The following RABGEF1 variants were observed in gnomAD, a reference collection of about 807,000 sequenced individuals.
RABGEF1 encodes rab5 GDP/GTP exchange factor.
In RABGEF1, 26 loss-of-function variants were observed where a neutral mutation model predicts 57.3. The ratio of observed to expected loss-of-function variants is 0.45; its 90% confidence interval spans 0.33 to 0.63. RABGEF1 has a LOEUF of 0.63. Among genes scored for constraint, RABGEF1 ranks in the 20% least tolerant of loss-of-function variants. The probability of loss-of-function intolerance (pLI) is 0.02; values close to 1 mark genes in which losing one functional copy is unlikely to be tolerated. For synonymous variants in RABGEF1, 185 were observed against 210.7 expected, an observed-to-expected ratio of 0.88 and a Z score of 1.06; for missense variants, 464 against 607.6, an observed-to-expected ratio of 0.76 and a Z score of 2.48.
chr7:66,769,731 T>C (rs541040511), intron 1 of RABGEF1, among the ~76,000 whole-genome samples: 1 of 152,372 alleles, frequency 6.6e-6, no homozygotes, highest in East Asian at 1.9e-4. Context: ...AGAGATCTTA[T>C]CATGCTTTCC....
chr7:66,749,299 A>G (rs1800891232), intron 1 of RABGEF1, among the ~76,000 whole-genome samples: 1 of 152,208 alleles, frequency 6.6e-6, no homozygotes, highest in African/African-American at 2.4e-5. Context: ...GTTAATGGAG[A>G]GAGACCATCC....
chr7:66,691,588 A>G (rs1291345720), intron 1 of RABGEF1, among the ~76,000 whole-genome samples: 1 of 152,216 alleles, frequency 6.6e-6, no homozygotes, highest in Non-Finnish European at 1.5e-5. Context: ...AGCAATATGC[A>G]TTCAGTAGAA....
intron 1 of RABGEF1, among the ~76,000 whole-genome samples, chr7:66,742,167 G>A (rs1403875099): frequency 6.7e-6 from 1 of 149,560 alleles, no homozygotes; most frequent in Non-Finnish European, 1.5e-5. Context: ...AAAACTAAGA[G>A]TCTGTTCCTT....
At position 66,705,443 on chromosome 7, in the gene RABGEF1, A is replaced by AAGACAGAGAGAGAGAGAGAG. The variant is rs540794271; in HGVS notation, c.-872-6721_-872-6720insCAGAGAGAGAGAGAGAGAGA. Among the ~76,000 whole-genome samples the AAGACAGAGAGAGAGAGAGAG allele has an allele frequency of 3.2e-3, 210 of 66,378 alleles. 30 individuals carry two copies. Among genetic ancestry groups the AAGACAGAGAGAGAGAGAGAG allele is most frequent in the Middle Eastern group, 0.011 (1 of 92 alleles). The allele number at this position is 66,378 out of a possible 152,430, so 43.5% of individuals were successfully genotyped here. A position where few individuals can be genotyped will look rare whatever the true frequency, so the allele number is the denominator to read the frequency against. ...CAGAGCGAAACTCCATCTCGAAAGA[A>AAGACAGAGAGAGAGAGAGAG]AGAGAGAGAGAGAGAGAGAGAGAGA... On this transcript the variant is annotated intron_variant and NMD_transcript_variant, in intron 1 of 9. Transcript: ENST00000607882.
rs116512821 is a variant in RABGEF1, at chr7:66,807,297, C to T, written c.1078-1589C>T. On this transcript the variant is annotated intron_variant, in intron 8 of 8. Coordinates refer to ENST00000284957, the MANE Select transcript of RABGEF1 (RefSeq NM_014504.3). ...CTGCTCTGGCAAAAGTAAAAAGTTTCCAGCTGACGAACCCCACGGGCACTC... is the reference window on the plus strand; with the variant it reads ...CTGCTCTGGCAAAAGTAAAAAGTTTTCAGCTGACGAACCCCACGGGCACTC... Among the ~76,000 whole-genome samples, 223 of 152,332 alleles carry T rather than the reference C, an allele frequency of 1.5e-3. 1 individual carries two copies. Among genetic ancestry groups the T allele is most frequent in the African/African-American group, 5.2e-3 (217 of 41,584 alleles).
intron 2 of RABGEF1, among the ~76,000 whole-genome samples, chr7:66,772,468 T>C (rs1807379499): frequency 6.6e-6 from 1 of 152,232 alleles, no homozygotes; most frequent in Non-Finnish European, 1.5e-5. Context: ...TTTTAATATA[T>C]ATTTAGCATG....
intron 1 of RABGEF1, among the ~76,000 whole-genome samples, chr7:66,753,055 A>G (rs995279974): frequency 5.9e-5 from 9 of 152,212 alleles, no homozygotes; most frequent in African/African-American, 9.6e-5. Flanking sequence ...CATGAGTATT[A>G]TAATGGCTGT....
intron 3 of RABGEF1, among the ~76,000 whole-genome samples, chr7:66,779,209 A>T (rs1809272591): frequency 6.6e-6 from 1 of 152,102 alleles, no homozygotes; most frequent in African/African-American, 2.4e-5. Context: ...TAATTTAGTA[A>T]AATAGAGAAA....
At chr7:66,658,224 C>T in the RABGEF1 span, among the ~76,000 whole-genome samples, 1 of 152,068 alleles carries the variant, frequency 6.6e-6, no homozygotes, top group Non-Finnish European at 1.5e-5. Flanking sequence ...GACTGAATCA[C>T]AAAGAAATAA....
chr7:66,667,259 A>T, the RABGEF1 span: 1 of 152,338 alleles, frequency 6.6e-6, no homozygotes, highest in Admixed American at 6.5e-5. Flanking sequence ...GGGGCCGGCC[A>T]TGCCTCTCCT....
chr7:66,778,036 A>G (rs1808958909), intron 3 of RABGEF1, among the ~76,000 whole-genome samples: 1 of 152,232 alleles, frequency 6.6e-6, no homozygotes, highest in Admixed American at 6.5e-5. Flanking sequence ...TTTGTTTCAC[A>G]GATCACTTAA....
chr7:66,762,890 C>T (rs1804787355), intron 1 of RABGEF1, among the ~76,000 whole-genome samples: 1 of 152,216 alleles, frequency 6.6e-6, no homozygotes, highest in Non-Finnish European at 1.5e-5. Flanking sequence ...AACAAACCAC[C>T]ACCTGGACAG....
chr7:66,777,767 T>G (rs1310785241), intron 3 of RABGEF1, among the ~76,000 whole-genome samples: 1 of 152,136 alleles, frequency 6.6e-6, no homozygotes, highest in Non-Finnish European at 1.5e-5. Flanking sequence ...CACTCCAGCC[T>G]AGGCAGCAGA....
chr7:66,692,646 G>A (rs186790914), intron 1 of RABGEF1, among the ~76,000 whole-genome samples: 2 of 152,244 alleles, frequency 1.3e-5, no homozygotes, highest in East Asian at 3.9e-4. Flanking sequence ...TAAGTGGTGG[G>A]ACTGGGGAGT....
intron 1 of RABGEF1, among the ~76,000 whole-genome samples, chr7:66,706,358 C>T (rs1424261024): frequency 1.3e-5 from 2 of 152,054 alleles, no homozygotes; most frequent in South Asian, 2.1e-4. Flanking sequence ...CTAGGTCGTA[C>T]GATAGGTATG....
chr7:66,803,295 A>G (rs1787718243), intron 7 of RABGEF1, among the ~76,000 whole-genome samples: 1 of 152,196 alleles, frequency 6.6e-6, no homozygotes, highest in Non-Finnish European at 1.5e-5. Context: ...GTTCCCCAGG[A>G]AGCTGACCTC....
At chr7:66,670,614 G>A in the RABGEF1 span, among the ~76,000 whole-genome samples, 1 of 152,000 alleles carries the variant, frequency 6.6e-6, no homozygotes, top group Non-Finnish European at 1.5e-5. Context: ...GGAGGCCAAG[G>A]CGGGTGGATC....
chr7:66,784,086 A>C (rs1389612392), intron 4 of RABGEF1, among the ~76,000 whole-genome samples: 1 of 152,224 alleles, frequency 6.6e-6, no homozygotes. Flanking sequence ...AGCCACTTGA[A>C]TTATGTGCTT....
chr7:66,729,229 T>C (rs1797011541), intron 2 of RABGEF1, among the ~76,000 whole-genome samples: 2 of 150,590 alleles, frequency 1.3e-5, no homozygotes, highest in African/African-American at 4.9e-5. Flanking sequence ...GGATTACAGG[T>C]GTGAGCCACC....
Sources: gnomAD v4.1 joint callset for allele counts (sites outside exome capture counted in the v4.1 genomes callset) on GRCh38, gnomAD v4.1.1 for gene constraint, MANE v1.5 for transcripts, NCBI Gene and HGNC (gene_info 2026-07-23, HGNC 2026-07-21) for gene names.